Variants in SGCZ observed in about 807,000 individuals in gnomAD.
SGCZ encodes zeta-sarcoglycan.
Under a neutral mutation model 41.3 loss-of-function variants are expected in SGCZ, and 40 were observed. That is an observed-to-expected ratio of 0.97 (90% CI 0.75 to 1.26). SGCZ has a LOEUF of 1.26. Ranked by LOEUF, SGCZ falls within the 50% of genes most tolerant of loss-of-function variation. SGCZ has a pLI of 0.00. For synonymous variants in SGCZ, 206 were observed against 137.5 expected (o/e 1.50, Z -3.49); for missense variants, 552 against 369.8 (o/e 1.49, Z -4.04).
intron 1 of SGCZ, among the ~76,000 whole-genome samples, chr8:15,171,671 T>G (rs950317593): frequency 1.3e-5 from 2 of 152,242 alleles, no homozygotes; most frequent in Non-Finnish European, 2.9e-5. Flanking sequence ...TGCCTCTTAA[T>G]CTTATTAGCA....
At chr8:14,469,042 A>T (rs1801133854) in intron 2 of SGCZ, among the ~76,000 whole-genome samples, 1 of 151,026 alleles carries the variant, frequency 6.6e-6, no homozygotes, top group South Asian at 2.1e-4. Context: ...TTTCTTTCTA[A>T]TTAGTTCTCC....
intron 1 of SGCZ, among the ~76,000 whole-genome samples, chr8:15,049,288 A>G (rs1804429551): frequency 6.6e-6 from 1 of 152,078 alleles, no homozygotes; most frequent in South Asian, 2.1e-4. Flanking sequence ...TTCAATATAT[A>G]CAAAGGCCTT....
chr8:15,064,338 A>C (rs985140053), intron 1 of SGCZ, among the ~76,000 whole-genome samples: 6 of 152,112 alleles, frequency 3.9e-5, no homozygotes, highest in African/African-American at 1.2e-4. Context: ...TTTGTCACTC[A>C]ACCCTACAAT....
chr8:14,254,871 T>C lies in SGCZ; in HGVS notation c.337-17192A>G, dbSNP rs1219988354. ...TCTGTATTCATTTATATTCACATTC[T>C]GCACTGTACAATTCTTCACAATTCA... On this transcript the variant is annotated intron_variant, in intron 3 of 7. Transcript: ENST00000382080. Among the ~76,000 whole-genome samples, 2 of 152,236 alleles carry C rather than the reference T, an allele frequency of 1.3e-5. 1 individual carries two copies. Among genetic ancestry groups the C allele is most frequent in the South Asian group, 4.1e-4 (2 of 4,834 alleles).
intron 5 of SGCZ, among the ~76,000 whole-genome samples, chr8:14,158,443 C>A (rs1209727992): frequency 6.6e-6 from 1 of 152,034 alleles, no homozygotes; most frequent in Non-Finnish European, 1.5e-5. Flanking sequence ...TAGATGGTGC[C>A]CACCTAGATT....
intron 1 of SGCZ, among the ~76,000 whole-genome samples, chr8:14,977,189 T>C (rs1801505244): frequency 6.6e-6 from 1 of 152,004 alleles, no homozygotes; most frequent in Non-Finnish European, 1.5e-5. Context: ...AAGGAACTCG[T>C]TGAGGGAAGG....
chr8:14,444,491 G>A (rs1800372216), intron 2 of SGCZ, among the ~76,000 whole-genome samples: 1 of 152,094 alleles, frequency 6.6e-6, no homozygotes, highest in African/African-American at 2.4e-5. Flanking sequence ...CATAAAAAAT[G>A]ATGAGTTCAT....
intron 2 of SGCZ, among the ~76,000 whole-genome samples, chr8:14,414,026 A>G (rs1250070230): frequency 6.6e-6 from 1 of 152,006 alleles, no homozygotes; most frequent in Non-Finnish European, 1.5e-5. Flanking sequence ...AATAAATAAC[A>G]TTATTTGAAT....
At position 14,394,140 on chromosome 8, in the gene SGCZ, C is replaced by T. The variant is rs66724789; in HGVS notation, c.235-69936G>A. 2.9e-4 allele frequency among the ~76,000 whole-genome samples: 42 copies of T among 143,636 alleles called. 1 individual carries two copies. The highest frequency in any genetic ancestry group is 9.9e-4 in the African/African-American group (36 of 36,204). 94.2% of individuals were successfully genotyped at this position (143,636 alleles called of 152,430 possible). ...CTTCATGCACTGCCCTACCGCCCCC[C>T]ACCTTTTTTTTTTTTTTTTTTTTTT... On this transcript the variant is annotated intron_variant, in intron 2 of 7. Coordinates refer to ENST00000382080, the MANE Select transcript of SGCZ (RefSeq NM_139167.4).
At chr8:14,108,112 A>T (rs1278152880) in intron 6 of SGCZ, 51 bp downstream of exon 6, 2 of 1,522,246 alleles carry the variant, frequency 1.3e-6, no homozygotes, top group Non-Finnish European at 1.8e-6. Flanking sequence ...TATATTAAGG[A>T]TTATCAACAA....
intron 1 of SGCZ, among the ~76,000 whole-genome samples, chr8:14,702,946 TA>T (rs1268947803): frequency 7.6e-6 from 1 of 131,736 alleles, no homozygotes; most frequent in East Asian, 2.4e-4. Flanking sequence ...GATAGATAGA[TA>T]GATAGATAGA....
intron 1 of SGCZ, among the ~76,000 whole-genome samples, chr8:14,625,989 G>A (rs908791929): frequency 1.3e-5 from 2 of 152,098 alleles, no homozygotes; most frequent in Non-Finnish European, 2.9e-5. Flanking sequence ...AACTCCATTT[G>A]CAAAGAAAAA....
intron 1 of SGCZ, among the ~76,000 whole-genome samples, chr8:14,866,272 T>A (rs1466338418): frequency 6.6e-6 from 1 of 152,076 alleles, no homozygotes; most frequent in Non-Finnish European, 1.5e-5. Flanking sequence ...TATTGTGAAG[T>A]TTGCTGTATT....
intron 1 of SGCZ, among the ~76,000 whole-genome samples, chr8:14,808,815 G>T (rs377542383): frequency 2.0e-4 from 30 of 151,920 alleles, no homozygotes; most frequent in Non-Finnish European, 2.9e-4. Context: ...CAATAGCAAA[G>T]ACTTGGAACC....
At position 14,764,153 on chromosome 8, in the gene SGCZ, G is replaced by C. The variant is rs764769041; in HGVS notation, c.40-209227C>G. Among the ~76,000 whole-genome samples the C allele has an allele frequency of 2.0e-5, 3 of 152,184 alleles. No individual in the cohort carries two copies. The East Asian group carries it at 5.8e-4, about 29-fold the overall frequency. ...ACAAAGGAGCCACTTCAAAGAGTTT[G>C]TCCTAGACAAAGAGACTGAGATTTT... On this transcript the variant is annotated intron_variant, in intron 1 of 7. Coordinates refer to ENST00000382080, the MANE Select transcript of SGCZ (RefSeq NM_139167.4).
intron 1 of SGCZ, among the ~76,000 whole-genome samples, chr8:14,621,352 G>T (rs568769822): frequency 1.3e-5 from 2 of 151,682 alleles, no homozygotes; most frequent in South Asian, 4.2e-4. Context: ...CAAGTTAACG[G>T]GTGCAGCACA....
In SGCZ at chr8:15,182,901, A is replaced by G. The variant is rs1271542068; in HGVS notation, c.39+54684T>C. On this transcript the variant is annotated intron_variant, in intron 1 of 7. Transcript: ENST00000382080. ...CTATACAAAAATATTTTCTTTCTTT[A>G]TATCTTTAAGCTTTTAAAATTTTCA... 2.0e-5 allele frequency among the ~76,000 whole-genome samples: 3 copies of G among 152,318 alleles called. No individual in the cohort carries two copies. In the East Asian group the frequency reaches 5.8e-4, roughly 29 times the overall value.
At chr8:14,974,005 A>G (rs1801383159) in intron 1 of SGCZ, among the ~76,000 whole-genome samples, 1 of 152,184 alleles carries the variant, frequency 6.6e-6, no homozygotes, top group African/African-American at 2.4e-5. Flanking sequence ...GGTGAAAACA[A>G]GGAATAATTT....
chr8:14,393,072 A>G (rs1026762374), intron 2 of SGCZ, among the ~76,000 whole-genome samples: 1 of 152,194 alleles, frequency 6.6e-6, no homozygotes, highest in African/African-American at 2.4e-5. Flanking sequence ...AAAGGCACGT[A>G]TAAAGAAGTG....
Sources: gnomAD v4.1 joint callset for allele counts (sites outside exome capture counted in the v4.1 genomes callset) on GRCh38, gnomAD v4.1.1 for gene constraint, MANE v1.5 for transcripts, NCBI Gene and HGNC (gene_info 2026-07-23, HGNC 2026-07-21) for gene names.